HTR4: variants seen among roughly 807,000 people sequenced by gnomAD.
HTR4 encodes the protein 5-hydroxytryptamine receptor 4.
Under a neutral mutation model 36.8 loss-of-function variants are expected in HTR4, and 16 were observed. That is an observed-to-expected ratio of 0.43 (90% CI 0.29 to 0.66). The LOEUF (loss-of-function observed/expected upper bound fraction) is 0.66. HTR4 is among the 30% of genes least tolerant of loss of function. HTR4 has a pLI of 0.13. For synonymous variants in HTR4, 189 were observed against 185.1 expected (o/e 1.02, Z -0.17); for missense variants, 438 against 490.9 (o/e 0.89, Z 1.02).
chr5:148,533,033 T>C (rs535561338), intron 4 of HTR4, among the ~76,000 whole-genome samples: 2 of 152,292 alleles, frequency 1.3e-5, no homozygotes, highest in East Asian at 3.9e-4. Flanking sequence ...TCCATCGTAA[T>C]CAATATTGCT....
chr5:148,543,225 A>G (rs1362889678), intron 4 of HTR4, among the ~76,000 whole-genome samples: 1 of 152,210 alleles, frequency 6.6e-6, no homozygotes, highest in East Asian at 1.9e-4. Context: ...CATAGGGACA[A>G]AGAGGGACAG....
intron 4 of HTR4, among the ~76,000 whole-genome samples, chr5:148,531,407 T>C (rs1758559747): frequency 6.6e-6 from 1 of 152,180 alleles, no homozygotes; most frequent in Non-Finnish European, 1.5e-5. Context: ...AGTTTCCCTG[T>C]ACAAGCTCTC....
At chr5:148,480,875 T>C (rs965185568), downstream of HTR4, among the ~76,000 whole-genome samples, 1 of 152,218 alleles carries the variant, frequency 6.6e-6, no homozygotes, top group African/African-American at 2.4e-5. Context: ...AAAGTAATGA[T>C]AAATATGTGG....
chr5:148,527,355 G>T (rs1372228455), intron 4 of HTR4, among the ~76,000 whole-genome samples: 3 of 152,138 alleles, frequency 2.0e-5, no homozygotes, highest in Non-Finnish European at 4.4e-5. Flanking sequence ...TTATATTGGT[G>T]CTCATAACAT....
intron 6 of HTR4, among the ~76,000 whole-genome samples, chr5:148,500,502 T>C (rs1305233777): frequency 6.6e-6 from 1 of 151,882 alleles, no homozygotes; most frequent in African/African-American, 2.4e-5. Context: ...AGGCCAACTC[T>C]AAGAGGTCAA....
chr5:148,609,500 A>G (rs1307161288), intron 2 of HTR4, among the ~76,000 whole-genome samples: 1 of 152,178 alleles, frequency 6.6e-6, no homozygotes, highest in Admixed American at 6.5e-5. Flanking sequence ...TACTAGAAAA[A>G]TGGTGATGTG....
At chr5:148,626,810 C>A (rs561854136) in intron 2 of HTR4, among the ~76,000 whole-genome samples, 15 of 152,200 alleles carry the variant, frequency 9.9e-5, no homozygotes, top group Admixed American at 5.9e-4. Flanking sequence ...ATTTAATTGA[C>A]CATAGAGCAG....
intron 2 of HTR4, among the ~76,000 whole-genome samples, chr5:148,581,645 G>A (rs770496783): frequency 7.9e-5 from 12 of 152,074 alleles, no homozygotes; most frequent in Middle Eastern, 3.4e-3. Flanking sequence ...TTAATTGACC[G>A]TATATGTGTG....
At chr5:148,578,215 G>A (rs923585958) in intron 2 of HTR4, among the ~76,000 whole-genome samples, 1 of 151,930 alleles carries the variant, frequency 6.6e-6, no homozygotes, top group South Asian at 2.1e-4. Flanking sequence ...TGTATTTGTC[G>A]TGCTTTGTTT....
intron 4 of HTR4, among the ~76,000 whole-genome samples, chr5:148,532,056 T>C (rs1270914636): frequency 6.6e-6 from 1 of 152,156 alleles, no homozygotes; most frequent in Non-Finnish European, 1.5e-5. Context: ...CTGGTTTAGA[T>C]GAGAGGATTT....
chr5:148,539,083 C>G (rs568405847), intron 4 of HTR4, among the ~76,000 whole-genome samples: 253 of 152,228 alleles, frequency 1.7e-3, no homozygotes, highest in Middle Eastern at 3.4e-3. Flanking sequence ...ACACCTACAG[C>G]TATCTAATCT....
intron 2 of HTR4, among the ~76,000 whole-genome samples, chr5:148,625,117 A>C (rs1753048087): frequency 6.6e-6 from 1 of 152,294 alleles, no homozygotes; most frequent in African/African-American, 2.4e-5. Context: ...AAGAGGGGAC[A>C]TGAAGGCTGG....
At chr5:148,469,822 T>C (rs924003304) in intron 5 of HTR4, among the ~76,000 whole-genome samples, 1 of 152,234 alleles carries the variant, frequency 6.6e-6, no homozygotes, top group Non-Finnish European at 1.5e-5. Context: ...GATATTTTGA[T>C]GGAGAGGCAG....
intron 4 of HTR4, among the ~76,000 whole-genome samples, chr5:148,527,360 T>C (rs1758332774): frequency 6.6e-6 from 1 of 152,168 alleles, no homozygotes; most frequent in Non-Finnish European, 1.5e-5. Flanking sequence ...TTGGTGCTCA[T>C]AACATTTTTA....
chr5:148,568,544 C>T (rs1225200623), intron 2 of HTR4, among the ~76,000 whole-genome samples: 1 of 152,070 alleles, frequency 6.6e-6, no homozygotes, highest in Non-Finnish European at 1.5e-5. Flanking sequence ...CTTCTTTTTA[C>T]AAATTGTCCA....
At chr5:148,532,034 G>A (rs1182725525) in intron 4 of HTR4, among the ~76,000 whole-genome samples, 1 of 152,182 alleles carries the variant, frequency 6.6e-6, no homozygotes, top group Non-Finnish European at 1.5e-5. Context: ...GTAGTGCTGA[G>A]ATTGAGGACC....
intron 6 of HTR4, among the ~76,000 whole-genome samples, chr5:148,483,585 ATCC>A (rs1195259736): frequency 3.3e-5 from 5 of 152,162 alleles, no homozygotes; most frequent in African/African-American, 1.2e-4. Context: ...TACCGATTAT[ATCC>A]TCCAAGTTTT....
At chr5:148,515,730 T>C (rs1298401013) in intron 5 of HTR4, among the ~76,000 whole-genome samples, 1 of 150,912 alleles carries the variant, frequency 6.6e-6, no homozygotes, top group East Asian at 1.9e-4. Context: ...CTAATTACTT[T>C]TGAGATTTAT....
At chr5:148,577,973 A>C (rs1342435934) in intron 2 of HTR4, among the ~76,000 whole-genome samples, 1 of 152,064 alleles carries the variant, frequency 6.6e-6, no homozygotes, top group Non-Finnish European at 1.5e-5. Context: ...CCTAAAATAA[A>C]AGTTAAAAAA....
Sources: allele counts gnomAD v4.1 joint callset (sites outside exome capture counted in the v4.1 genomes callset), GRCh38; gene constraint gnomAD v4.1.1; transcripts MANE v1.5; gene names NCBI Gene and HGNC (gene_info 2026-07-23, HGNC 2026-07-21).